Variants in LCLAT1 observed in about 807,000 individuals in gnomAD.
LCLAT1 encodes the protein lysocardiolipin acyltransferase 1.
Under a neutral mutation model 30.7 loss-of-function variants are expected in LCLAT1, and 11 were observed. The observed-to-expected ratio is 0.36, with a 90% CI of 0.23 to 0.59. LCLAT1 has a LOEUF of 0.59. Ranked by LOEUF, LCLAT1 falls within the 20% of genes least tolerant of loss-of-function variation. The pLI is 0.77. For missense variants in LCLAT1, 402 were observed against 458.6 expected (o/e 0.88, Z 1.13); for synonymous variants, 155 against 151.3 (o/e 1.02, Z -0.18).
intron 5 of LCLAT1, among the ~76,000 whole-genome samples, chr2:30,626,477 C>T (rs10195537): frequency 0.24 from 36,599 of 151,990 alleles, 4,925 homozygotes; most frequent in Non-Finnish European, 0.31. Context: ...TTCATGTTTT[C>T]GTAATCCTTT....
At position 30,533,173 on chromosome 2, in the gene LCLAT1, C is replaced by G. The variant is rs267599338; in HGVS notation, c.223C>G (p.Pro75Ala). The change falls in exon 3 of 6, where the codon CCT becomes GCT. Residue 75 changes from proline (P) to alanine (A), a missense_variant. By Grantham distance (27) the Pro-to-Ala change is conservative. Coordinates refer to ENST00000379509, the MANE Select transcript of LCLAT1 (RefSeq NM_001002257.3). ...KVIITGDAFV[P>A]GERSVIIMNH... Reference sequence around the variant, plus strand: ...GATTATAACTGGGGATGCATTTGTTCCTGGAGAAAGAAGTGTCATTATCAT... The same window carrying G: ...GATTATAACTGGGGATGCATTTGTTGCTGGAGAAAGAAGTGTCATTATCAT... The G allele has an allele frequency of 1.2e-6, 2 of 1,613,966 alleles. No homozygotes were observed. Among genetic ancestry groups the G allele is most frequent in the Middle Eastern group, 1.6e-4 (1 of 6,062 alleles).
At chr2:30,629,890 C>T (rs1305863177) in intron 5 of LCLAT1, among the ~76,000 whole-genome samples, 3 of 151,152 alleles carry the variant, frequency 2.0e-5, no homozygotes, top group Non-Finnish European at 4.4e-5. Context: ...GAAAGATGCA[C>T]GAAAAATAAA....
chr2:30,513,380 G>T (rs1040300244), intron 1 of LCLAT1, among the ~76,000 whole-genome samples: 1 of 151,838 alleles, frequency 6.6e-6, no homozygotes, highest in Non-Finnish European at 1.5e-5. Flanking sequence ...GGAAAAAATG[G>T]GGAATTTCTA....
At chr2:30,478,687 A>AGGTAGGTAGGTAGG (rs1553357934) in intron 1 of LCLAT1, among the ~76,000 whole-genome samples, 7 of 132,556 alleles carry the variant, frequency 5.3e-5, no homozygotes, top group African/African-American at 1.3e-4. Flanking sequence ...AAATAGATAG[A>AGGTAGGTAGGTAGG]TAGGTAGGTA....
chr2:30,635,549 C>G (rs1318173729), intron 5 of LCLAT1, among the ~76,000 whole-genome samples: 2 of 152,014 alleles, frequency 1.3e-5, no homozygotes, highest in Non-Finnish European at 2.9e-5. Flanking sequence ...TAATATCATT[C>G]TAAAGTTCTA....
At chr2:30,448,077 C>G (rs1681354974) in intron 1 of LCLAT1, among the ~76,000 whole-genome samples, 1 of 152,238 alleles carries the variant, frequency 6.6e-6, no homozygotes. Flanking sequence ...GTTTTGCTTT[C>G]TTGTACTTCC....
intron 1 of LCLAT1, among the ~76,000 whole-genome samples, chr2:30,515,082 T>C (rs374280634): frequency 6.6e-6 from 1 of 151,900 alleles, no homozygotes; most frequent in Non-Finnish European, 1.5e-5. Context: ...GTAATATGAG[T>C]TTAAAAAGTT....
chr2:30,609,943 AATT>A (rs1438334256), intron 5 of LCLAT1, among the ~76,000 whole-genome samples: 1 of 152,146 alleles, frequency 6.6e-6, no homozygotes, highest in African/African-American at 2.4e-5. Flanking sequence ...TTTAGTGAGC[AATT>A]ATTAAACTCT....
chr2:30,505,051 C>T (rs548606700), intron 1 of LCLAT1, among the ~76,000 whole-genome samples: 6 of 152,240 alleles, frequency 3.9e-5, no homozygotes, highest in African/African-American at 7.2e-5. Context: ...CATATTGTGT[C>T]ATAGTATTTG....
chr2:30,491,869 T>A (rs887282188), intron 1 of LCLAT1, among the ~76,000 whole-genome samples: 3 of 152,194 alleles, frequency 2.0e-5, no homozygotes, highest in African/African-American at 7.2e-5. Flanking sequence ...GATTATAATT[T>A]AAATTAGTGA....
intron 1 of LCLAT1, among the ~76,000 whole-genome samples, chr2:30,517,301 C>G (rs1283487438): frequency 1.3e-5 from 2 of 151,774 alleles, no homozygotes; most frequent in Non-Finnish European, 2.9e-5. Context: ...GCTATGAACC[C>G]AGGGAGTCTT....
intron 5 of LCLAT1, among the ~76,000 whole-genome samples, chr2:30,587,397 T>G (rs1385973638): frequency 6.6e-6 from 1 of 152,232 alleles, no homozygotes; most frequent in Non-Finnish European, 1.5e-5. Context: ...AAAGGGATTA[T>G]TTTTGGTAAC....
intron 1 of LCLAT1, among the ~76,000 whole-genome samples, chr2:30,496,897 C>G (rs759484702): frequency 5.3e-5 from 8 of 152,180 alleles, no homozygotes; most frequent in Non-Finnish European, 1.2e-4. Context: ...CAAAACAAAA[C>G]TTCTCTACTT....
At chr2:30,514,653 A>G (rs1685100821) in intron 1 of LCLAT1, among the ~76,000 whole-genome samples, 1 of 152,148 alleles carries the variant, frequency 6.6e-6, no homozygotes. Context: ...CTAACCTCCT[A>G]ACTTTATAAG....
intron 1 of LCLAT1, among the ~76,000 whole-genome samples, chr2:30,484,892 T>C (rs1012500598): frequency 4.6e-5 from 7 of 152,190 alleles, no homozygotes; most frequent in African/African-American, 1.7e-4. Context: ...ACTTTGCACA[T>C]CTTTTACTAT....
chr2:30,479,300 G>A (rs1683211871), intron 1 of LCLAT1, among the ~76,000 whole-genome samples: 1 of 151,884 alleles, frequency 6.6e-6, no homozygotes, highest in Non-Finnish European at 1.5e-5. Flanking sequence ...TGTGATCATA[G>A]CTCTCTGCAG....
At chr2:30,548,083 G>T (rs896113788) in intron 3 of LCLAT1, among the ~76,000 whole-genome samples, 7 of 152,016 alleles carry the variant, frequency 4.6e-5, no homozygotes, top group African/African-American at 1.5e-4. Flanking sequence ...AATTCTATTG[G>T]TATTTGAAAC....
At chr2:30,464,744 T>G (rs961692193) in intron 1 of LCLAT1, among the ~76,000 whole-genome samples, 2 of 152,332 alleles carry the variant, frequency 1.3e-5, no homozygotes, top group South Asian at 2.1e-4. Flanking sequence ...TCAGTGGTGT[T>G]TGTTTGCAGT....
intron 1 of LCLAT1, among the ~76,000 whole-genome samples, chr2:30,451,952 G>A (rs1459035853): frequency 1.3e-5 from 2 of 152,266 alleles, no homozygotes; most frequent in African/African-American, 4.8e-5. Context: ...CAACATGGAT[G>A]TATCTTACAG....
Sources: allele counts gnomAD v4.1 joint callset (sites outside exome capture counted in the v4.1 genomes callset), GRCh38; gene constraint gnomAD v4.1.1; transcripts MANE v1.5; gene names NCBI Gene and HGNC (gene_info 2026-07-23, HGNC 2026-07-21).